Variants in TBX20 observed in about 807,000 individuals in gnomAD.
TBX20 encodes T-box transcription factor TBX20.
In TBX20, 8 loss-of-function variants were observed where a neutral mutation model predicts 42.9. That is an observed-to-expected ratio of 0.19 (90% confidence interval 0.11 to 0.34). The LOEUF is 0.34. Among genes scored for constraint, TBX20 ranks in the 10% least tolerant of loss-of-function variants. The probability of loss-of-function intolerance (pLI) is 1.00; values close to 1 mark genes in which losing one functional copy is unlikely to be tolerated. For synonymous variants in TBX20, 198 were observed against 222.8 expected (o/e 0.89, Z 0.99); for missense variants, 411 against 566.0 (o/e 0.73, Z 2.78).
At chr7:35,232,971 G>T (rs1269927420) in intron 5 of TBX20, among the ~76,000 whole-genome samples, 2 of 152,208 alleles carry the variant, frequency 1.3e-5, no homozygotes. Context: ...AGTGAGCCGA[G>T]ATCGCGCCAC....
intron 1 of TBX20, among the ~76,000 whole-genome samples, chr7:35,252,188 G>T (rs1166973543): frequency 6.6e-6 from 1 of 152,136 alleles, no homozygotes; most frequent in Admixed American, 6.5e-5. Context: ...TGTTTACAAA[G>T]AATTCAGGGG....
intron 5 of TBX20, among the ~76,000 whole-genome samples, chr7:35,235,174 G>A (rs1368088898): frequency 2.0e-5 from 3 of 150,872 alleles, no homozygotes; most frequent in South Asian, 2.1e-4. Flanking sequence ...GTAATCATAC[G>A]TTTTAAAAGG....
chr7:35,235,086 G>C (rs1246212455), intron 5 of TBX20, among the ~76,000 whole-genome samples: 7 of 151,930 alleles, frequency 4.6e-5, no homozygotes, highest in Non-Finnish European at 7.4e-5. Context: ...GTGAAACCAT[G>C]AATTTACAGG....
At chr7:35,229,828 C>T (rs1282748275) in intron 6 of TBX20, among the ~76,000 whole-genome samples, 2 of 152,076 alleles carry the variant, frequency 1.3e-5, no homozygotes, top group Admixed American at 6.6e-5. Flanking sequence ...TTATAAAATG[C>T]TGTCATAAAT....
At chr7:35,243,988 G>A (rs10254686) in intron 4 of TBX20, among the ~76,000 whole-genome samples, 3 of 152,076 alleles carry the variant, frequency 2.0e-5, no homozygotes, top group Non-Finnish European at 4.4e-5. Context: ...GACCATCTTT[G>A]TTGAGAAAGG....
intron 6 of TBX20, among the ~76,000 whole-genome samples, chr7:35,218,185 TA>T (rs1202436485): frequency 6.6e-6 from 1 of 152,220 alleles, no homozygotes; most frequent in Non-Finnish European, 1.5e-5. Flanking sequence ...GTATCTTCCA[TA>T]AAGTAAAGAA....
At chr7:35,210,360 C>G (rs1332177749) in intron 6 of TBX20, among the ~76,000 whole-genome samples, 3 of 151,980 alleles carry the variant, frequency 2.0e-5, no homozygotes, top group Non-Finnish European at 4.4e-5. Flanking sequence ...CATGATCCAC[C>G]TGCCTCAGCC....
At chr7:35,235,063 A>C in intron 5 of TBX20, among the ~76,000 whole-genome samples, 1 of 152,116 alleles carries the variant, frequency 6.6e-6, no homozygotes. Flanking sequence ...CCTTTTCACC[A>C]ATTATGAACT....
intron 2 of TBX20, 141 bp from the exon 3 acceptor site, chr7:35,248,982 G>C: frequency 1.1e-6 from 1 of 884,404 alleles, no homozygotes; most frequent in Non-Finnish European, 1.7e-6. Context: ...CCCCTCTTTT[G>C]TTTTGTTTAA....
chr7:35,202,464 C>T lies in TBX20; in HGVS notation c.1310G>A (p.Arg437His), dbSNP rs375484585. ...TGGCGTCATCACAGCAGAGGAATGG[C>T]GTAGTCCTTGAATGGCAGCATAGGG... Reference protein sequence around the residue: ...QGPYAAIQGLRHSSAVMTPFV With the variant: ...QGPYAAIQGLHHSSAVMTPFV The change falls in exon 8 of 8, where the codon CGC (arginine) becomes CAC (histidine). Residue 437 changes from arginine to histidine, a missense_variant. Physicochemically the swap from Arg to His is conservative, Grantham distance 29. This residue lies in a region of TBX20 where 162 missense variants were observed against 205.4 expected (regional missense o/e 0.79). Coordinates refer to ENST00000408931, the MANE Select transcript of TBX20 (RefSeq NM_001077653.2). The T allele has an allele frequency of 2.7e-4, 432 of 1,600,790 alleles. No individual in the cohort carries two copies. The highest frequency in any genetic ancestry group is 3.3e-4 in the Non-Finnish European group (390 of 1,174,226).
intron 6 of TBX20, among the ~76,000 whole-genome samples, chr7:35,213,383 C>A (rs1359482673): frequency 6.6e-6 from 1 of 152,120 alleles, no homozygotes; most frequent in Admixed American, 6.5e-5. Flanking sequence ...CTGGTGATTC[C>A]AATGAGCAGG....
intron 6 of TBX20, among the ~76,000 whole-genome samples, chr7:35,230,842 T>C (rs1165892728): frequency 6.6e-6 from 1 of 152,198 alleles, no homozygotes; most frequent in Non-Finnish European, 1.5e-5. Flanking sequence ...AATCTTCTCT[T>C]TGAAAAACAA....
At chr7:35,234,676 C>T (rs955419885) in intron 5 of TBX20, among the ~76,000 whole-genome samples, 1 of 152,094 alleles carries the variant, frequency 6.6e-6, no homozygotes, top group Admixed American at 6.6e-5. Flanking sequence ...TACCAATTAG[C>T]CACAGCAATG....
chr7:35,244,143 C>A (rs879350815), intron 4 of TBX20, among the ~76,000 whole-genome samples: 37 of 152,242 alleles, frequency 2.4e-4, no homozygotes, highest in Non-Finnish European at 4.9e-4. Flanking sequence ...TTATGGAAGT[C>A]CATCTAAAGT....
At chr7:35,238,957 A>T in intron 5 of TBX20, among the ~76,000 whole-genome samples, 1 of 152,020 alleles carries the variant, frequency 6.6e-6, no homozygotes, top group Non-Finnish European at 1.5e-5. Context: ...TCATAACCAC[A>T]TGTCTTATTT....
At chr7:35,206,964 G>A (rs893937338) in intron 6 of TBX20, among the ~76,000 whole-genome samples, 2 of 152,150 alleles carry the variant, frequency 1.3e-5, no homozygotes, top group African/African-American at 4.8e-5. Flanking sequence ...ATGTTAAAAT[G>A]AAGCTGCTAC....
At chr7:35,232,856 C>G (rs1488991633) in intron 5 of TBX20, among the ~76,000 whole-genome samples, 1 of 152,038 alleles carries the variant, frequency 6.6e-6, no homozygotes, top group Non-Finnish European at 1.5e-5. Flanking sequence ...AACCCTGTCT[C>G]TACTAAAAAT....
At chr7:35,221,951 T>C (rs1789691130) in intron 6 of TBX20, among the ~76,000 whole-genome samples, 1 of 152,188 alleles carries the variant, frequency 6.6e-6, no homozygotes, top group Non-Finnish European at 1.5e-5. Flanking sequence ...CAAAAATTAC[T>C]GGCTGAGGGA....
intron 4 of TBX20, among the ~76,000 whole-genome samples, chr7:35,242,429 G>A (rs982702542): frequency 1.3e-5 from 2 of 152,078 alleles, no homozygotes; most frequent in Non-Finnish European, 2.9e-5. Flanking sequence ...GATTTCAAGC[G>A]ATTGATCCTC....
Sources: gnomAD v4.1 joint callset for allele counts (sites outside exome capture counted in the v4.1 genomes callset) on GRCh38, gnomAD v4.1.1 for gene constraint, gnomAD v4.1.1 regional missense constraint, MANE v1.5 for transcripts, NCBI Gene and HGNC (gene_info 2026-07-23, HGNC 2026-07-21) for gene names.